The following PMVK variants were observed in gnomAD, a reference collection of about 807,000 sequenced individuals.
PMVK encodes the protein phosphomevalonate kinase, also known as testis tissue sperm-binding protein Li 95mP.
Under a neutral mutation model 19.0 loss-of-function variants are expected in PMVK, and 10 were observed. The ratio of observed to expected loss-of-function variants is 0.53; its 90% CI spans 0.32 to 0.89. The LOEUF is 0.89. PMVK is among the 40% of genes least tolerant of loss of function. The pLI is 0.03. For missense variants in PMVK, 222 were observed against 251.1 expected, an observed-to-expected ratio of 0.88 and a Z score of 0.78; for synonymous variants, 108 against 101.6, an observed-to-expected ratio of 1.06 and a Z score of -0.38.
chr1:154,926,526 T>C lies in PMVK; in HGVS notation c.313-43A>G, dbSNP rs200755392. 5.4e-5 allele frequency: 87 copies of C among 1,598,530 alleles called. 1 individual carries two copies. The highest frequency in any genetic ancestry group is 2.7e-4 in the Admixed American group (16 of 59,442). ...ACAGGTGACCAACAGGACAGGATGA[T>C]AGAAGTGAGGGGAGGTGGGAGGACT... On this transcript the variant is annotated intron_variant, in intron 3 of 4. Coordinates refer to ENST00000368467, the MANE Select transcript of PMVK (RefSeq NM_006556.4).
At chr1:154,940,846 C>A (rs1457989999), upstream of PMVK, among the ~76,000 whole-genome samples, 1 of 152,238 alleles carries the variant, frequency 6.6e-6, no homozygotes, top group Non-Finnish European at 1.5e-5. Flanking sequence ...AACCAACACC[C>A]TTTCCTCCCA....
chr1:154,939,589 T>C (rs1438005417), upstream of PMVK, among the ~76,000 whole-genome samples: 3 of 148,526 alleles, frequency 2.0e-5, no homozygotes, highest in Non-Finnish European at 4.5e-5. Flanking sequence ...CCAGCTACAC[T>C]CGGGAGGCTG....
At chr1:154,938,310 A>AGAAAACT (rs111744800), upstream of PMVK, among the ~76,000 whole-genome samples, 120 of 152,354 alleles carry the variant, frequency 7.9e-4, no homozygotes, top group African/African-American at 2.8e-3. Flanking sequence ...GTGAGCGATC[A>AGAAAACT]GAAAACTTCC....
upstream of PMVK, chr1:154,936,790 G>A: frequency 1.9e-6 from 2 of 1,061,228 alleles, no homozygotes; most frequent in Non-Finnish European, 2.8e-6. Context: ...CGGCAACAAG[G>A]AACAATCGCG....
chr1:154,925,585 G>A (rs1468916284), intron 4 of PMVK, among the ~76,000 whole-genome samples: 2 of 152,198 alleles, frequency 1.3e-5, no homozygotes, highest in South Asian at 2.1e-4. Flanking sequence ...TGTCAAGCTG[G>A]TTGTGTCCTT....
At chr1:154,936,407 G>A (rs1226054725) in intron 1 of PMVK, 184 bp downstream of exon 1, 7 of 985,400 alleles carry the variant, frequency 7.1e-6, no homozygotes, top group Non-Finnish European at 8.4e-6. Flanking sequence ...GCTTCTTTGA[G>A]GCTCGCCTGT....
At chr1:154,925,333 A>G in intron 4 of PMVK, 68 bp from the exon 5 acceptor site, 2 of 1,554,530 alleles carry the variant, frequency 1.3e-6, no homozygotes, top group Non-Finnish European at 1.8e-6. Flanking sequence ...AAGGCCTGCT[A>G]ACCCCAACTG....
rs867265050 is a variant in PMVK, at chr1:154,927,476, A to C, written c.313-993T>G. 8.8e-3 allele frequency among the ~76,000 whole-genome samples: 1,272 copies of C among 143,962 alleles called. 34 individuals are homozygous for C. Among genetic ancestry groups the C allele is most frequent in the African/African-American group, 0.033 (1,217 of 36,348 alleles). 94.4% of individuals were successfully genotyped at this position (143,962 alleles called of 152,430 possible). Reference sequence around the variant, plus strand: ...AAAAAAAAAAAAAAAAAAAAAAAAAACACAGGAAAGTCCTCCACCCGGCCC... The same window carrying C: ...AAAAAAAAAAAAAAAAAAAAAAAAACCACAGGAAAGTCCTCCACCCGGCCC... On this transcript the variant is annotated intron_variant, in intron 3 of 4. Coordinates refer to ENST00000368467, the MANE Select transcript of PMVK (RefSeq NM_006556.4).
rs1654265425 is a variant in PMVK, at chr1:154,929,253, C to T, written c.160-77G>A. 3 of 1,327,128 alleles carry T rather than the reference C, an allele frequency of 2.3e-6. No homozygotes were observed. In the African/African-American group the frequency reaches 4.3e-5, roughly 19 times the overall value. 82.2% of individuals were successfully genotyped at this position (1,327,128 alleles called of 1,614,324 possible). A position where few individuals can be genotyped will look rare whatever the true frequency, so the allele number is the denominator to read the frequency against. On this transcript the variant is annotated intron_variant, in intron 2 of 4. Coordinates refer to ENST00000368467, the MANE Select transcript of PMVK (RefSeq NM_006556.4). ...TCTCCTAAAACAGCGGAAGAGCCATCCCTCACCCTCACCTGCCTCCCCCAG... is the reference window on the plus strand; with the variant it reads ...TCTCCTAAAACAGCGGAAGAGCCATTCCTCACCCTCACCTGCCTCCCCCAG...
rs112520685 is a variant in PMVK, at chr1:154,924,777, G to C, written c.*352C>G. On this transcript the variant is annotated 3_prime_UTR_variant, in exon 5 of 5. Coordinates refer to ENST00000368467, the MANE Select transcript of PMVK (RefSeq NM_006556.4). ...GGTTTATTAGTATCCACACTGGGGA[G>C]CTCTGGGTTCTTGCCCAGAACAAGG... 1 of 267,206 alleles carries C rather than the reference G, an allele frequency of 3.7e-6. No individual in the cohort carries two copies. The highest frequency in any genetic ancestry group is 7.3e-6 in the Non-Finnish European group (1 of 136,506). 16.6% of individuals were successfully genotyped at this position (267,206 alleles called of 1,614,324 possible). A position where few individuals can be genotyped will look rare whatever the true frequency, so the allele number is the denominator to read the frequency against.
chr1:154,928,235 T>C lies in PMVK; in HGVS notation c.312+789A>G, dbSNP rs1654228829. On this transcript the variant is annotated intron_variant, in intron 3 of 4. Coordinates refer to ENST00000368467, the MANE Select transcript of PMVK (RefSeq NM_006556.4). ...CCAGGGAAAGAGAAAGAAAGGGCAG[T>C]CCAGACAGGTGGAAGGGCATGTGCA... 2.0e-5 allele frequency among the ~76,000 whole-genome samples: 3 copies of C among 152,050 alleles called. No homozygotes were observed. In the South Asian group the frequency reaches 6.2e-4, roughly 32 times the overall value.
At chr1:154,932,871 C>G (rs1256084584) in intron 1 of PMVK, among the ~76,000 whole-genome samples, 1 of 152,184 alleles carries the variant, frequency 6.6e-6, no homozygotes, top group Admixed American at 6.5e-5. Flanking sequence ...GAGGCCAAGG[C>G]AGGAGGAGTG....
chr1:154,934,291 G>A (rs541351574), intron 1 of PMVK, among the ~76,000 whole-genome samples: 1 of 152,192 alleles, frequency 6.6e-6, no homozygotes, highest in East Asian at 1.9e-4. Context: ...GAGCCACTGC[G>A]CCCAACGATA....
chr1:154,931,478 A>T (rs1654333293), intron 2 of PMVK, among the ~76,000 whole-genome samples: 1 of 152,138 alleles, frequency 6.6e-6, no homozygotes, highest in South Asian at 2.1e-4. Flanking sequence ...TTCAAAATTC[A>T]AAGATACACA....
rs1462671878 is a variant in PMVK at position 154,926,430 on chromosome 1, A to T, written c.366T>A (p.Tyr122Ter). The T allele has an allele frequency of 1.9e-6, 3 of 1,613,922 alleles. No homozygotes were observed. The highest frequency in any genetic ancestry group is 2.5e-6 in the Non-Finnish European group (3 of 1,179,928). Reference sequence around the variant, plus strand: ...CGCGGACCGTCTGCGTCACGGCCCCATAGGCCTCCCGAAACCACTGGATGT... The same window carrying T: ...CGCGGACCGTCTGCGTCACGGCCCCTTAGGCCTCCCGAAACCACTGGATGT... Reference protein sequence around the residue: ...VSDIQWFREAYGAVTQTVRVV... With the variant: ...VSDIQWFREA Residue 122 changes from tyrosine (Y) to a stop codon, truncating the protein, a stop_gained, in exon 4 of 5, where the codon TAT (tyrosine) becomes TAA (stop). Coordinates refer to ENST00000368467, the MANE Select transcript of PMVK (RefSeq NM_006556.4). LOFTEE classifies it high-confidence loss of function.
chr1:154,934,188 A>C (rs555315911), intron 1 of PMVK, among the ~76,000 whole-genome samples: 8 of 152,070 alleles, frequency 5.3e-5, no homozygotes, highest in Admixed American at 5.2e-4. Context: ...TTAGTAGAGA[A>C]GGGTTTTACC....
intron 1 of PMVK, among the ~76,000 whole-genome samples, chr1:154,934,848 A>G (rs555154161): frequency 1.4e-4 from 22 of 152,166 alleles, no homozygotes; most frequent in Admixed American, 1.0e-3. Flanking sequence ...AGATCACCTG[A>G]GGTCAGGAGT....
chr1:154,942,022 TGGCC>T, the PMVK span, among the ~76,000 whole-genome samples: 2 of 152,096 alleles, frequency 1.3e-5, no homozygotes, highest in Non-Finnish European at 2.9e-5. Context: ...TTTTTGGGAC[TGGCC>T]AAAGGAAATA....
At position 154,932,359 on chromosome 1, in the gene PMVK, T is replaced by C. The variant is rs1654362237; in HGVS notation, c.152A>G (p.Tyr51Cys). The C allele has an allele frequency of 8.1e-6, 13 of 1,612,610 alleles. No homozygotes were observed. The highest frequency in any genetic ancestry group is 1.1e-5 in the Non-Finnish European group (13 of 1,178,908). The change falls in exon 2 of 5, where the codon TAT becomes TGT. Residue 51 changes from tyrosine (Y) to cysteine (C), a missense_variant. Transcript: ENST00000368467. ...CCACAAAGCACCACCTACCTGAGCA[T>C]ACTGTTCCTTGAGTGGACCAGAGAG... ...LRLSGPLKEQ[Y>C]AQEHGLNFQR...
Sources: gnomAD v4.1 joint callset for allele counts (sites outside exome capture counted in the v4.1 genomes callset) on GRCh38, gnomAD v4.1.1 for gene constraint, MANE v1.5 for transcripts, NCBI Gene and HGNC (gene_info 2026-07-23, HGNC 2026-07-21) for gene names.